ANO2: variants seen among roughly 807,000 people sequenced by gnomAD.
The protein encoded by ANO2 is anoctamin 2.
A neutral mutation model predicts 124.2 loss-of-function variants in ANO2; 101 were observed. The observed-to-expected ratio is 0.81, with a 90% confidence interval of 0.69 to 0.96. The LOEUF (loss-of-function observed/expected upper bound fraction) is 0.96, where lower values mean the gene tolerates loss of function less well. Among genes scored for constraint, ANO2 ranks in the 40% least tolerant of loss-of-function variants. ANO2 has a pLI of 0.00. For missense variants in ANO2, 1,293 were observed against 1,274.5 expected (o/e 1.01, Z -0.22); for synonymous variants, 486 against 482.5 (o/e 1.01, Z -0.09).
chr12:5,872,948 G>T (rs901700818), intron 3 of ANO2, among the ~76,000 whole-genome samples: 17 of 152,142 alleles, frequency 1.1e-4, no homozygotes, highest in African/African-American at 4.1e-4. Flanking sequence ...ACTGCTCCCT[G>T]GTGTACATGT....
At chr12:5,796,560 T>G (rs114927188) in intron 10 of ANO2, among the ~76,000 whole-genome samples, 1 of 151,546 alleles carries the variant, frequency 6.6e-6, no homozygotes, top group Non-Finnish European at 1.5e-5. Flanking sequence ...AACACTCTCA[T>G]ACAGGCTCAC....
intron 16 of ANO2, among the ~76,000 whole-genome samples, chr12:5,620,012 T>A (rs1397754687): frequency 1.3e-5 from 2 of 152,238 alleles, no homozygotes; most frequent in Non-Finnish European, 2.9e-5. Context: ...AAGGCCTATA[T>A]GCCTGTTGAA....
At chr12:5,590,120 T>G (rs1038135527) in intron 20 of ANO2, among the ~76,000 whole-genome samples, 1 of 152,106 alleles carries the variant, frequency 6.6e-6, no homozygotes, top group Non-Finnish European at 1.5e-5. Context: ...ATTGCAAGCT[T>G]GTCCAACCCC....
intron 7 of ANO2, 140 bp downstream of exon 7, chr12:5,827,629 C>T: frequency 3.9e-6 from 4 of 1,027,112 alleles, no homozygotes; most frequent in Non-Finnish European, 5.8e-6. Context: ...GCAGGCTTCT[C>T]AGCCCAAGCT....
At chr12:5,920,992 C>A (rs1434765277) in intron 3 of ANO2, 48 bp downstream of exon 3, 5 of 1,562,704 alleles carry the variant, frequency 3.2e-6, no homozygotes, top group Non-Finnish European at 3.5e-6. Flanking sequence ...GAGCCCGGTT[C>A]TGTGGTGCCA....
At chr12:5,568,637 C>T (rs949370474) in intron 23 of ANO2, among the ~76,000 whole-genome samples, 10 of 152,128 alleles carry the variant, frequency 6.6e-5, no homozygotes, top group African/African-American at 2.4e-4. Context: ...ACTAATTAAA[C>T]AAAGAGACAA....
At chr12:5,887,775 T>A (rs1186532984) in intron 3 of ANO2, among the ~76,000 whole-genome samples, 1 of 151,910 alleles carries the variant, frequency 6.6e-6, no homozygotes, top group African/African-American at 2.4e-5. Context: ...ACAAGCGTTA[T>A]CCTCTGTGCC....
chr12:5,700,692 C>A (rs1211752301), intron 14 of ANO2, among the ~76,000 whole-genome samples: 1 of 152,032 alleles, frequency 6.6e-6, no homozygotes. Context: ...AGAGCACCAG[C>A]AAGACTAATA....
chr12:5,656,147 G>A (rs1454051003), intron 14 of ANO2, among the ~76,000 whole-genome samples: 8 of 152,176 alleles, frequency 5.3e-5, no homozygotes, highest in Admixed American at 5.2e-4. Context: ...AGGGAACACA[G>A]GGTTGCAGTG....
chr12:5,671,449 AAG>A (rs1947997720), intron 14 of ANO2, among the ~76,000 whole-genome samples: 1 of 149,766 alleles, frequency 6.7e-6, no homozygotes, highest in South Asian at 2.2e-4. Context: ...AGTACAAAGA[AAG>A]AGAGGTTTTC....
chr12:5,785,075 C>T (rs528230625), intron 10 of ANO2, among the ~76,000 whole-genome samples: 11 of 152,288 alleles, frequency 7.2e-5, no homozygotes, highest in Admixed American at 1.3e-4. Context: ...CCACCCCTAC[C>T]CTGGACCTAT....
intron 4 of ANO2, among the ~76,000 whole-genome samples, chr12:5,848,578 G>T (rs1954761863): frequency 6.6e-6 from 1 of 152,168 alleles, no homozygotes; most frequent in Non-Finnish European, 1.5e-5. Context: ...TCTGCCTCCT[G>T]CACCACGGGG....
intron 3 of ANO2, among the ~76,000 whole-genome samples, chr12:5,885,188 T>C (rs899724141): frequency 6.6e-6 from 1 of 152,188 alleles, no homozygotes; most frequent in African/African-American, 2.4e-5. Flanking sequence ...GGTCTGGAAG[T>C]ATAAACACAC....
intron 16 of ANO2, among the ~76,000 whole-genome samples, chr12:5,616,990 C>G (rs976515088): frequency 4.6e-5 from 7 of 150,960 alleles, no homozygotes; most frequent in Admixed American, 4.6e-4. Context: ...AGTACCGCAT[C>G]CTCCAGACCA....
rs1385184019 is a variant in ANO2, at chr12:5,900,618, TG to T, written c.534+20421del. ...GAACTCTCCCTTTAAAAAAAAAACA[TG>T]GGGGAGCATTTGCTCTACCTCCGCA... On this transcript the variant is annotated intron_variant, in intron 3 of 24. Transcript: ENST00000682330. The surrounding 1 kb of genome is among the most constrained non-coding windows in gnomAD (Gnocchi z 4.2). Among the ~76,000 whole-genome samples the T allele has an allele frequency of 7.0e-6, 1 of 142,200 alleles. No individual in the cohort carries two copies. Among genetic ancestry groups the T allele is most frequent in the East Asian group, 2.0e-4 (1 of 4,938 alleles). The allele number at this position is 142,200 out of a possible 152,430, so 93.3% of individuals were successfully genotyped here.
chr12:5,695,878 G>A (rs867182906), intron 14 of ANO2, among the ~76,000 whole-genome samples: 9 of 152,206 alleles, frequency 5.9e-5, no homozygotes, highest in African/African-American at 2.2e-4. Flanking sequence ...ATAACCCATA[G>A]AATAAAGAAT....
In ANO2 at chr12:5,635,189, C is replaced by G. The variant is rs201079863; in HGVS notation, c.1779G>C (p.Glu593Asp). The G allele has an allele frequency of 1.1e-3, 1,773 of 1,601,866 alleles. No individual in the cohort carries two copies. Among genetic ancestry groups the G allele is most frequent in the Non-Finnish European group, 1.4e-3 (1,668 of 1,175,934 alleles). ...INLVVILILDEIYGAVAKWLT... is the reference protein window; with the variant it reads ...INLVVILILDDIYGAVAKWLT... ...GCCACTTGGCCACAGCGCCGTAGAT[C>G]TCGTCCAGGATGAGGATGACCACGA... The change falls in exon 16 of 25, where the codon GAG (glutamate) becomes GAC (aspartate). Residue 593 changes from glutamate to aspartate, a missense_variant. Transcript: ENST00000682330. The surrounding 1 kb of genome is among the most constrained non-coding windows in gnomAD (Gnocchi z 5.2).
At chr12:5,575,683 A>C in intron 23 of ANO2, 151 bp downstream of exon 23, 2 of 877,202 alleles carry the variant, frequency 2.3e-6, no homozygotes, top group Non-Finnish European at 3.4e-6. Context: ...ATATGGTATT[A>C]TAATCTTACG....
At chr12:5,928,107 G>A (rs1002716071) in intron 1 of ANO2, among the ~76,000 whole-genome samples, 3 of 152,152 alleles carry the variant, frequency 2.0e-5, no homozygotes, top group African/African-American at 7.2e-5. Context: ...AGTCAGCAGG[G>A]ACCTAGGCAA....
Sources: gnomAD v4.1 joint callset for allele counts (sites outside exome capture counted in the v4.1 genomes callset) on GRCh38, gnomAD v4.1.1 for gene constraint, Gnocchi (gnomAD v3.1) non-coding constraint, MANE v1.5 for transcripts, NCBI Gene and HGNC (gene_info 2026-07-23, HGNC 2026-07-21) for gene names.